The following TG variants were observed in gnomAD, a reference collection of about 807,000 sequenced individuals.
TG encodes thyroglobulin.
A neutral mutation model predicts 324.7 loss-of-function variants in TG; 270 were observed. That is an observed-to-expected ratio of 0.83 (90% CI 0.75 to 0.92). TG has a LOEUF of 0.92. TG is among the 40% of genes least tolerant of loss of function. The probability of loss-of-function intolerance (pLI) is 0.00; values close to 1 mark genes in which losing one functional copy is unlikely to be tolerated. For missense variants in TG, 3,591 were observed against 3,456.4 expected (o/e 1.04, Z -0.98); for synonymous variants, 1,401 against 1,327.0 (o/e 1.06, Z -1.21).
intron 41 of TG, among the ~76,000 whole-genome samples, chr8:133,092,019 C>CA (rs1445708405): frequency 6.6e-6 from 1 of 152,134 alleles, no homozygotes; most frequent in Non-Finnish European, 1.5e-5. Context: ...CCCACTTAGA[C>CA]AAACTCCAAG....
intron 35 of TG, 97 bp from the exon 36 acceptor site, chr8:133,011,804 C>G: frequency 1.3e-6 from 2 of 1,544,058 alleles, no homozygotes; most frequent in Non-Finnish European, 1.8e-6. Context: ...GGAGGATGCC[C>G]CTAAGGCTGC....
intron 41 of TG, among the ~76,000 whole-genome samples, chr8:133,066,941 C>G (rs1843117908): frequency 6.6e-6 from 1 of 152,146 alleles, no homozygotes; most frequent in Non-Finnish European, 1.5e-5. Flanking sequence ...CCAAAGAGTC[C>G]TCAAATCTGA....
At chr8:133,106,608 C>T in intron 43 of TG, 1 of 291,924 alleles carries the variant, frequency 3.4e-6, no homozygotes, top group Non-Finnish European at 5.1e-6. Flanking sequence ...CATGTCTGAA[C>T]CCTACCCTCT....
Position 132,893,859 on chromosome 8 carries a change from GC to G in TG, c.2935del (p.Arg979GlyfsTer24). The G allele has an allele frequency of 6.2e-7, 1 of 1,614,036 alleles. No individual in the cohort carries two copies. Among genetic ancestry groups the G allele is most frequent in the Non-Finnish European group, 8.5e-7 (1 of 1,179,950 alleles). On this transcript the variant is annotated frameshift_variant, in exon 11 of 48. Coordinates refer to ENST00000220616, the MANE Select transcript of TG (RefSeq NM_003235.5). LOFTEE classifies it high-confidence loss of function. ...ACCTCGGCCTTCCTCCGCTCTTCCC[GC>G]CCCGGGAGGCTTTCGCGGAGCAGTT... The part of the protein sequence containing the change: ...EDLGLPPLFP[P>X]REAFAEQFLR...
chr8:132,893,388 G>GTTT (rs2132222744), intron 10 of TG, among the ~76,000 whole-genome samples: 1 of 130,518 alleles, frequency 7.7e-6, no homozygotes, highest in African/African-American at 3.3e-5. Flanking sequence ...GTGTAGTGTG[G>GTTT]GGGGGTGGTG....
At chr8:132,991,217 T>C (rs1186401713) in intron 35 of TG, among the ~76,000 whole-genome samples, 1 of 152,122 alleles carries the variant, frequency 6.6e-6, no homozygotes, top group Non-Finnish European at 1.5e-5. Context: ...TGTAGAGCCC[T>C]GCAGTCCTGG....
intron 41 of TG, among the ~76,000 whole-genome samples, chr8:133,071,168 G>A (rs6471111): frequency 7.9e-5 from 12 of 152,094 alleles, no homozygotes; most frequent in Admixed American, 3.9e-4. Context: ...GCACCAGTGC[G>A]TATTGAGGAA....
intron 43 of TG, chr8:133,102,704 C>T: frequency 3.9e-6 from 3 of 778,542 alleles, no homozygotes; most frequent in East Asian, 2.7e-5. Context: ...GTGAAATTGA[C>T]AGTCTGCCTA....
At chr8:133,039,989 C>T (rs1837900119) in intron 41 of TG, 1 of 1,546,186 alleles carries the variant, frequency 6.5e-7, no homozygotes, top group Non-Finnish European at 8.7e-7. Flanking sequence ...ATACACACAC[C>T]ATACTCACCT....
At chr8:133,050,039 C>T in intron 41 of TG, 1 of 1,182,548 alleles carries the variant, frequency 8.5e-7, no homozygotes, top group Admixed American at 1.7e-5. Context: ...ATAGCAAAAC[C>T]AAAGGATGAA....
At chr8:132,946,313 A>C (rs1306383912) in intron 26 of TG, among the ~76,000 whole-genome samples, 1 of 152,042 alleles carries the variant, frequency 6.6e-6, no homozygotes, top group Non-Finnish European at 1.5e-5. Flanking sequence ...TTTTTCCATG[A>C]TATTTCTGGC....
intron 5 of TG, among the ~76,000 whole-genome samples, chr8:132,879,267 C>T (rs1814300646): frequency 1.3e-5 from 2 of 152,164 alleles, no homozygotes; most frequent in Non-Finnish European, 1.5e-5. Context: ...GGGCAGGGCC[C>T]CCAAAGGACT....
intron 37 of TG, 55 bp from the exon 38 acceptor site, chr8:133,017,723 G>A (rs746797329): frequency 6.7e-7 from 1 of 1,491,570 alleles, no homozygotes; most frequent in African/African-American, 1.4e-5. Context: ...AGTGGAGAGA[G>A]CACTCACTGA....
intron 41 of TG, chr8:133,049,898 T>G (rs1456126315): frequency 3.8e-6 from 6 of 1,582,840 alleles, no homozygotes; most frequent in Non-Finnish European, 4.3e-6. Flanking sequence ...AGAAATGTAC[T>G]CACCCATGGT....
intron 40 of TG, among the ~76,000 whole-genome samples, chr8:133,026,106 CT>C (rs575529464): frequency 4.9e-4 from 74 of 152,328 alleles, no homozygotes; most frequent in African/African-American, 1.6e-3. Context: ...CAGTATCTAG[CT>C]GCCTCCTGGC....
intron 45 of TG, among the ~76,000 whole-genome samples, chr8:133,120,274 A>G (rs1851036923): frequency 6.6e-6 from 1 of 152,374 alleles, no homozygotes; most frequent in East Asian, 1.9e-4. Context: ...TGGCAAAATA[A>G]AAAAGAAATG....
intron 40 of TG, 43 bp from the exon 41 acceptor site, chr8:133,029,778 T>C (rs369962212): frequency 1.2e-4 from 187 of 1,612,478 alleles, no homozygotes; most frequent in Non-Finnish European, 1.5e-4. Context: ...AAATCCAAGG[T>C]TGTAAAGTCA....
chr8:133,006,361 C>A (rs774411280), intron 35 of TG, among the ~76,000 whole-genome samples: 2 of 152,204 alleles, frequency 1.3e-5, no homozygotes, highest in Non-Finnish European at 2.9e-5. Flanking sequence ...ACTACAGAGG[C>A]CCCAGCTCTT....
intron 35 of TG, among the ~76,000 whole-genome samples, chr8:132,993,373 T>G (rs982638313): frequency 6.6e-6 from 1 of 152,232 alleles, no homozygotes; most frequent in Non-Finnish European, 1.5e-5. Flanking sequence ...CTTAAGTATG[T>G]GACCTTGGCC....
Sources: allele counts gnomAD v4.1 joint callset (sites outside exome capture counted in the v4.1 genomes callset), GRCh38; gene constraint gnomAD v4.1.1; transcripts MANE v1.5; gene names NCBI Gene and HGNC (gene_info 2026-07-23, HGNC 2026-07-21).